The following UBE3D variants were observed in gnomAD, a reference collection of about 807,000 sequenced individuals.
The protein encoded by UBE3D is ubiquitin protein ligase E3D, also known as E3 ubiquitin-protein ligase E3D.
A neutral mutation model predicts 49.6 loss-of-function variants in UBE3D; 48 were observed. That is an observed-to-expected ratio of 0.97 (90% CI 0.77 to 1.23). UBE3D has a LOEUF of 1.23. Ranked by LOEUF, UBE3D falls within the 50% of genes most tolerant of loss-of-function variation. UBE3D has a pLI of 0.00. For missense variants in UBE3D, 452 were observed against 468.4 expected (o/e 0.96, Z 0.32); for synonymous variants, 189 against 174.2 (o/e 1.08, Z -0.67).
chr6:82,959,147 T>C (rs1776368080), intron 8 of UBE3D, among the ~76,000 whole-genome samples: 1 of 151,634 alleles, frequency 6.6e-6, no homozygotes, highest in South Asian at 2.1e-4. Context: ...ACAAACCATG[T>C]CCTCTAATTT....
chr6:82,892,965 G>A lies in UBE3D; in HGVS notation c.*57C>T, dbSNP rs1230431431. The A allele has an allele frequency of 1.3e-5, 21 of 1,606,778 alleles. No individual in the cohort carries two copies. Among genetic ancestry groups the A allele is most frequent in the Admixed American group, 6.7e-5 (4 of 59,966 alleles). Reference sequence around the variant, plus strand: ...GCCTCCTGAGCTGACTGCTGGCCTCGGTGTGCTCCTGCTTGAGAGCTGTCT... The same window carrying A: ...GCCTCCTGAGCTGACTGCTGGCCTCAGTGTGCTCCTGCTTGAGAGCTGTCT... On this transcript the variant is annotated 3_prime_UTR_variant, in exon 10 of 10. Transcript: ENST00000369747.
intron 8 of UBE3D, among the ~76,000 whole-genome samples, chr6:83,008,446 T>TA (rs1349002898): frequency 3.3e-5 from 5 of 151,972 alleles, no homozygotes; most frequent in South Asian, 2.1e-4. Context: ...TGTGGAGCAG[T>TA]AAAAAAAACC....
chr6:82,888,303 G>T (rs977955803), downstream of UBE3D, among the ~76,000 whole-genome samples: 12 of 144,784 alleles, frequency 8.3e-5, no homozygotes, highest in African/African-American at 3.0e-4. Flanking sequence ...CATGATTTAG[G>T]TTTTTTTTTT....
chr6:82,888,150 T>C (rs1770922488), downstream of UBE3D, among the ~76,000 whole-genome samples: 1 of 152,048 alleles, frequency 6.6e-6, no homozygotes, highest in African/African-American at 2.4e-5. Flanking sequence ...AAGCCTGCCA[T>C]GTCCTTTTTA....
At chr6:82,999,116 C>G (rs1053600788) in intron 8 of UBE3D, among the ~76,000 whole-genome samples, 8 of 152,164 alleles carry the variant, frequency 5.3e-5, no homozygotes, top group Non-Finnish European at 8.8e-5. Context: ...TGTGCCTCCT[C>G]CCTCTTTACT....
At chr6:83,042,945 T>C (rs1465510992) in intron 4 of UBE3D, among the ~76,000 whole-genome samples, 1 of 152,238 alleles carries the variant, frequency 6.6e-6, no homozygotes, top group African/African-American at 2.4e-5. Context: ...ACTGCTACAA[T>C]ATACAATTAA....
intron 8 of UBE3D, among the ~76,000 whole-genome samples, chr6:83,013,736 A>G (rs1196721572): frequency 6.6e-6 from 1 of 152,184 alleles, no homozygotes; most frequent in Non-Finnish European, 1.5e-5. Context: ...AATTTTACTG[A>G]GGTGTAAGTC....
At position 83,033,883 on chromosome 6, in the gene UBE3D, C is replaced by T. The variant is rs1032731953; in HGVS notation, c.667+4533G>A. On this transcript the variant is annotated intron_variant, in intron 5 of 9. Transcript: ENST00000369747. ...CTCCACCACCTACCCTAAACCAAAC[C>T]CACCATGTATAGACAGTAAAGCTGT... 2.0e-5 allele frequency among the ~76,000 whole-genome samples: 3 copies of T among 152,292 alleles called. No homozygotes were observed. The South Asian group carries it at 6.2e-4, about 32-fold the overall frequency.
intron 5 of UBE3D, among the ~76,000 whole-genome samples, chr6:83,026,468 A>C (rs1468999016): frequency 1.3e-5 from 2 of 152,112 alleles, no homozygotes; most frequent in East Asian, 1.9e-4. Flanking sequence ...TAGTGTTGTC[A>C]AACAACTTTT....
At chr6:83,020,341 G>T (rs975898831) in intron 7 of UBE3D, among the ~76,000 whole-genome samples, 3 of 141,326 alleles carry the variant, frequency 2.1e-5, no homozygotes, top group Admixed American at 1.4e-4. Flanking sequence ...ATGTGATACT[G>T]TTTTTTTTTT....
At chr6:82,894,403 T>C (rs1771159799) in intron 9 of UBE3D, among the ~76,000 whole-genome samples, 1 of 152,106 alleles carries the variant, frequency 6.6e-6, no homozygotes, top group Non-Finnish European at 1.5e-5. Flanking sequence ...AACCGCCTGA[T>C]CATAGGAACA....
chr6:82,925,820 A>C (rs1021627058), intron 9 of UBE3D, among the ~76,000 whole-genome samples: 1 of 152,128 alleles, frequency 6.6e-6, no homozygotes, highest in Non-Finnish European at 1.5e-5. Context: ...ATACCCCACA[A>C]AATTACCAAA....
At chr6:82,965,583 C>CAAAAAA (rs35257086) in intron 8 of UBE3D, among the ~76,000 whole-genome samples, 28 of 86,264 alleles carry the variant, frequency 3.2e-4, no homozygotes, top group Non-Finnish European at 4.2e-4. Flanking sequence ...AACTCCATCT[C>CAAAAAA]AAAAAAAAAA....
At chr6:82,967,298 A>G (rs2127699758) in intron 8 of UBE3D, among the ~76,000 whole-genome samples, 1 of 152,298 alleles carries the variant, frequency 6.6e-6, no homozygotes, top group East Asian at 1.9e-4. Flanking sequence ...TTTAAACCTC[A>G]TGTTTAAACA....
At chr6:82,980,163 A>G (rs938337471) in intron 8 of UBE3D, among the ~76,000 whole-genome samples, 6 of 152,070 alleles carry the variant, frequency 3.9e-5, no homozygotes, top group African/African-American at 1.4e-4. Context: ...AATTCTCCAT[A>G]TTGTTTTCCA....
At chr6:83,009,336 G>A (rs1163571339) in intron 8 of UBE3D, among the ~76,000 whole-genome samples, 1 of 151,904 alleles carries the variant, frequency 6.6e-6, no homozygotes, top group Non-Finnish European at 1.5e-5. Flanking sequence ...AAGATAAGCA[G>A]AAAACCATGC....
intron 8 of UBE3D, among the ~76,000 whole-genome samples, chr6:82,997,450 T>C (rs1195629306): frequency 6.6e-6 from 1 of 152,186 alleles, no homozygotes; most frequent in East Asian, 1.9e-4. Context: ...CCGGGTGCAG[T>C]GGCTCACGCC....
At chr6:82,907,396 A>G (rs1419962843) in intron 9 of UBE3D, among the ~76,000 whole-genome samples, 1 of 152,212 alleles carries the variant, frequency 6.6e-6, no homozygotes, top group Non-Finnish European at 1.5e-5. Flanking sequence ...AAAATCCAGA[A>G]GGCATGTTTC....
chr6:83,032,547 G>A (rs1781954302), intron 5 of UBE3D, among the ~76,000 whole-genome samples: 1 of 152,186 alleles, frequency 6.6e-6, no homozygotes, highest in Admixed American at 6.5e-5. Flanking sequence ...TGAGACTTTG[G>A]ACTTGAACTT....
Sources: gnomAD v4.1 joint callset for allele counts (sites outside exome capture counted in the v4.1 genomes callset) on GRCh38, gnomAD v4.1.1 for gene constraint, MANE v1.5 for transcripts, NCBI Gene and HGNC (gene_info 2026-07-23, HGNC 2026-07-21) for gene names.